Variants in PLPP1 observed in about 807,000 individuals in gnomAD.
PLPP1 encodes lipid phosphate phosphohydrolase 1a.
In PLPP1, 24 loss-of-function variants were observed where a neutral mutation model predicts 31.2. The observed-to-expected ratio is 0.77, with a 90% CI of 0.56 to 1.08. The LOEUF (loss-of-function observed/expected upper bound fraction) is 1.08, where lower values mean the gene tolerates loss of function less well. PLPP1 is among the 50% of genes least tolerant of loss of function. The pLI is 0.00. For missense variants in PLPP1, 319 were observed against 342.7 expected, an observed-to-expected ratio of 0.93 and a Z score of 0.55; for synonymous variants, 146 against 126.3, an observed-to-expected ratio of 1.16 and a Z score of -1.05.
At chr5:55,472,596 A>C (rs1752438070) in intron 2 of PLPP1, among the ~76,000 whole-genome samples, 1 of 151,776 alleles carries the variant, frequency 6.6e-6, no homozygotes, top group Non-Finnish European at 1.5e-5. Flanking sequence ...GGAGACTGTG[A>C]AAGAAGAAAG....
rs1173787970 is a variant in PLPP1, at chr5:55,425,007, T to C, written c.*199A>G. The stretch of plus-strand genomic sequence containing the variant: ...TGTTTTGGTGGAAGGCTTGGAGTTT[T>C]TTTAATGAGTTTAGAGCTATTAGAT... On this transcript the variant is annotated 3_prime_UTR_variant, in exon 6 of 6. Transcript: ENST00000307259. 2.6e-6 allele frequency: 2 copies of C among 770,226 alleles called. No homozygotes were observed. Among genetic ancestry groups the C allele is most frequent in the East Asian group, 5.3e-5 (2 of 38,066 alleles). 47.7% of individuals were successfully genotyped at this position (770,226 alleles called of 1,614,324 possible).
chr5:55,480,029 GAC>G (rs1403507183), intron 1 of PLPP1, among the ~76,000 whole-genome samples: 1 of 152,124 alleles, frequency 6.6e-6, no homozygotes, highest in Admixed American at 6.6e-5. Context: ...TACTTCACCA[GAC>G]ACAGTGTACA....
At chr5:55,435,963 G>A (rs1219618363) in intron 4 of PLPP1, among the ~76,000 whole-genome samples, 9 of 147,696 alleles carry the variant, frequency 6.1e-5, no homozygotes, top group South Asian at 2.2e-4. Flanking sequence ...GCAGTGAGCC[G>A]TGATCACACC....
At chr5:55,452,346 T>A (rs1165804177) in intron 3 of PLPP1, among the ~76,000 whole-genome samples, 1 of 152,156 alleles carries the variant, frequency 6.6e-6, no homozygotes, top group Non-Finnish European at 1.5e-5. Flanking sequence ...TCCCTGTCGC[T>A]CATGTGCCAT....
intron 1 of PLPP1, chr5:55,530,478 G>A: frequency 8.2e-7 from 1 of 1,218,598 alleles, no homozygotes; most frequent in South Asian, 1.2e-5. Flanking sequence ...TGTGTTATCA[G>A]ATGTGGATGT....
At chr5:55,522,418 C>G (rs1187172864) in intron 1 of PLPP1, among the ~76,000 whole-genome samples, 2 of 152,032 alleles carry the variant, frequency 1.3e-5, no homozygotes, top group African/African-American at 4.8e-5. Context: ...TTTATAGATA[C>G]AGAGTCTCGC....
chr5:55,485,586 T>C (rs1297072322), intron 1 of PLPP1, among the ~76,000 whole-genome samples: 5 of 42,132 alleles, frequency 1.2e-4, no homozygotes, highest in African/African-American at 2.8e-4. Context: ...AAACTTCAGG[T>C]ATATGAAAAA....
chr5:55,467,140 A>C (rs944658841), intron 3 of PLPP1, among the ~76,000 whole-genome samples: 4 of 152,182 alleles, frequency 2.6e-5, no homozygotes, highest in Non-Finnish European at 5.9e-5. Flanking sequence ...ACCTGAACCA[A>C]GTTACCTTAT....
At chr5:55,478,625 C>G (rs1404380283) in intron 1 of PLPP1, among the ~76,000 whole-genome samples, 6 of 152,098 alleles carry the variant, frequency 3.9e-5, no homozygotes, top group Admixed American at 2.0e-4. Context: ...GGATGAGGCA[C>G]AGAGCAACAG....
intron 3 of PLPP1, among the ~76,000 whole-genome samples, chr5:55,462,866 A>T (rs755585455): frequency 2.3e-4 from 35 of 152,060 alleles, no homozygotes; most frequent in Admixed American, 8.5e-4. Flanking sequence ...CCAGCTACTC[A>T]AGAGGCTCAG....
intron 1 of PLPP1, among the ~76,000 whole-genome samples, chr5:55,497,030 G>A (rs570311844): frequency 2.6e-5 from 4 of 152,230 alleles, no homozygotes; most frequent in African/African-American, 9.6e-5. Flanking sequence ...AGTTATTAAA[G>A]TGACTACACT....
chr5:55,513,801 C>A (rs564058414), intron 1 of PLPP1, among the ~76,000 whole-genome samples: 3 of 152,148 alleles, frequency 2.0e-5, no homozygotes, highest in Non-Finnish European at 2.9e-5. Flanking sequence ...CAGTGCACAT[C>A]TGTGGTTCCA....
At chr5:55,470,787 C>T (rs1752398276) in intron 2 of PLPP1, among the ~76,000 whole-genome samples, 2 of 152,166 alleles carry the variant, frequency 1.3e-5, no homozygotes, top group South Asian at 4.1e-4. Context: ...ACACCTAAGC[C>T]AAGTGTGGCC....
intron 4 of PLPP1, among the ~76,000 whole-genome samples, chr5:55,437,040 C>A (rs114009773): frequency 1.3e-5 from 2 of 152,198 alleles, no homozygotes; most frequent in African/African-American, 4.8e-5. Flanking sequence ...AAGGCCCCAC[C>A]ATTACCCAAC....
At position 55,425,951 on chromosome 5, in the gene PLPP1, A is replaced by G; in HGVS notation, c.638T>C (p.Val213Ala). 6.2e-7 allele frequency: 1 copy of G among 1,614,066 alleles called. No individual in the cohort carries two copies. The highest frequency in any genetic ancestry group is 8.5e-7 in the Non-Finnish European group (1 of 1,179,936). ...QFGLVAVSIY[V>A]GLSRVSDYKH... ...ATAATCAGAAACTCGAGAAAGGCCC[A>G]CATAAATGGATACGGCAACAAGACC... The change falls in exon 5 of 6, where the codon GTG becomes GCG. Residue 213 changes from valine to alanine, a missense_variant. Val to Ala is a moderately conservative substitution (Grantham distance 64). Transcript: ENST00000307259.
intron 1 of PLPP1, among the ~76,000 whole-genome samples, chr5:55,508,357 G>C (rs1753329945): frequency 6.6e-6 from 1 of 152,154 alleles, no homozygotes; most frequent in African/African-American, 2.4e-5. Flanking sequence ...TATGTGTCTG[G>C]CACCATATTG....
intron 3 of PLPP1, among the ~76,000 whole-genome samples, chr5:55,466,776 A>G (rs551284584): frequency 2.5e-4 from 38 of 150,592 alleles, no homozygotes; most frequent in African/African-American, 9.3e-4. Context: ...CAAGAATACC[A>G]ACAAAGACAA....
chr5:55,522,093 A>G lies in PLPP1; in HGVS notation c.58+12479T>C, dbSNP rs368124210. ...CCACCCTGAAAAAGACTCAGGAAAC[A>G]TTTCCAAGCAGTGACAACTGAGGAC... is the stretch of plus-strand genomic sequence containing the variant. On this transcript the variant is annotated intron_variant, in intron 1 of 5. Coordinates refer to ENST00000307259, the MANE Select transcript of PLPP1 (RefSeq NM_003711.4). Among the ~76,000 whole-genome samples, 683 of 152,320 alleles carry G rather than the reference A, an allele frequency of 4.5e-3. 3 individuals are homozygous for G. The highest frequency in any genetic ancestry group is 0.016 in the African/African-American group (652 of 41,566).
intron 1 of PLPP1, 72 bp downstream of exon 1, chr5:55,534,500 C>A (rs1265023131): frequency 7.0e-6 from 10 of 1,425,076 alleles, no homozygotes; most frequent in Middle Eastern, 4.7e-4. Context: ...CCCCGCTGCC[C>A]GTCGCGGCTC....
Sources: gnomAD v4.1 joint callset for allele counts (sites outside exome capture counted in the v4.1 genomes callset) on GRCh38, gnomAD v4.1.1 for gene constraint, MANE v1.5 for transcripts, NCBI Gene and HGNC (gene_info 2026-07-23, HGNC 2026-07-21) for gene names.